Variants in KANK1 observed in about 807,000 individuals in gnomAD.
The protein encoded by KANK1 is KN motif and ankyrin repeat domains 1.
In KANK1, 109 loss-of-function variants were observed where a neutral mutation model predicts 106.2. The observed-to-expected ratio is 1.03, with a 90% CI of 0.88 to 1.20. The LOEUF (loss-of-function observed/expected upper bound fraction) is 1.20. KANK1 is among the 50% of genes most tolerant of loss of function. The pLI is 0.00. For missense variants in KANK1, 2,399 were observed against 1,710.7 expected, an observed-to-expected ratio of 1.40 and a Z score of -7.10; for synonymous variants, 873 against 652.2, an observed-to-expected ratio of 1.34 and a Z score of -5.16.
At chr9:663,021 A>G (rs10975636) in intron 1 of KANK1, among the ~76,000 whole-genome samples, 127,438 of 152,024 alleles carry the variant, frequency 0.84, 53,546 homozygotes, top group East Asian at 0.97. Context: ...GATGTGTTAC[A>G]TGTCCCCCTT....
chr9:698,824 G>A (rs1821943144), intron 2 of KANK1, among the ~76,000 whole-genome samples: 1 of 152,172 alleles, frequency 6.6e-6, no homozygotes, highest in Admixed American at 6.5e-5. Context: ...GGAGAATGCT[G>A]AGGAGAATTT....
At chr9:514,643 T>C (rs2059201352) in intron 1 of KANK1, among the ~76,000 whole-genome samples, 1 of 151,748 alleles carries the variant, frequency 6.6e-6, no homozygotes, top group African/African-American at 2.4e-5. Context: ...GGGTTCATGC[T>C]CATTGCTGTA....
intron 1 of KANK1, among the ~76,000 whole-genome samples, chr9:650,595 C>T (rs1376266047): frequency 2.0e-5 from 3 of 152,142 alleles, no homozygotes; most frequent in African/African-American, 7.2e-5. Context: ...GGCTGTGACT[C>T]TGCATATCCC....
chr9:497,003 T>G (rs2058467491), intron 3 of KANK1, among the ~76,000 whole-genome samples: 1 of 152,202 alleles, frequency 6.6e-6, no homozygotes, highest in African/African-American at 2.4e-5. Context: ...ACTAGAATTA[T>G]GTCCTTCAGC....
At chr9:729,086 CTT>C (rs1256245134) in intron 3 of KANK1, among the ~76,000 whole-genome samples, 5 of 152,190 alleles carry the variant, frequency 3.3e-5, no homozygotes, top group Non-Finnish European at 5.9e-5. Context: ...GAGTTTGACT[CTT>C]TTCATTGACA....
At chr9:680,412 A>C (rs886121216) in intron 2 of KANK1, among the ~76,000 whole-genome samples, 6 of 152,184 alleles carry the variant, frequency 3.9e-5, no homozygotes, top group African/African-American at 1.4e-4. Flanking sequence ...TGGGTAAAAG[A>C]AACTGCTTTT....
chr9:633,184 G>A (rs1252342105), intron 1 of KANK1, among the ~76,000 whole-genome samples: 1 of 152,126 alleles, frequency 6.6e-6, no homozygotes, highest in South Asian at 2.1e-4. Context: ...TTGACCGGGC[G>A]CAGTGGCTCA....
chr9:657,057 G>T (rs2361104), intron 1 of KANK1, among the ~76,000 whole-genome samples: 2 of 151,972 alleles, frequency 1.3e-5, no homozygotes, highest in African/African-American at 4.8e-5. Flanking sequence ...TGTGCCAGCC[G>T]CTGGCACCAA....
chr9:610,610 G>T (rs1479813771), intron 1 of KANK1, among the ~76,000 whole-genome samples: 1 of 152,166 alleles, frequency 6.6e-6, no homozygotes, highest in Non-Finnish European at 1.5e-5. Flanking sequence ...CCTTGACTCT[G>T]ATCAAGACAT....
At chr9:571,116 T>A (rs998132715) in intron 1 of KANK1, among the ~76,000 whole-genome samples, 6 of 152,204 alleles carry the variant, frequency 3.9e-5, no homozygotes, top group African/African-American at 1.4e-4. Context: ...AGTGCCCATC[T>A]CCTTGGGGAC....
At chr9:536,904 A>G (rs566116898) in intron 1 of KANK1, among the ~76,000 whole-genome samples, 1 of 152,260 alleles carries the variant, frequency 6.6e-6, no homozygotes, top group South Asian at 2.1e-4. Context: ...GTGGTTTCTA[A>G]TCAAGCATTT....
intron 2 of KANK1, among the ~76,000 whole-genome samples, 157 bp from the exon 3 acceptor site, chr9:710,647 A>AAAAC: frequency 6.7e-6 from 1 of 148,238 alleles, no homozygotes; most frequent in South Asian, 2.1e-4. Flanking sequence ...AAACAAAAAA[A>AAAAC]ACTTGCTTAC....
intron 1 of KANK1, among the ~76,000 whole-genome samples, chr9:589,091 A>G (rs1824208202): frequency 6.6e-6 from 1 of 152,228 alleles, no homozygotes; most frequent in Admixed American, 6.5e-5. Flanking sequence ...CTGAGAGGTC[A>G]GGGATAGAGT....
upstream of KANK1, among the ~76,000 whole-genome samples, chr9:504,303 G>A (rs2058627090): frequency 6.6e-6 from 1 of 152,058 alleles, no homozygotes; most frequent in Admixed American, 6.5e-5. Context: ...AACCGCGGTG[G>A]AGGAAGTTCT....
At chr9:605,489 G>C (rs1828877066) in intron 1 of KANK1, among the ~76,000 whole-genome samples, 1 of 151,604 alleles carries the variant, frequency 6.6e-6, no homozygotes, top group South Asian at 2.1e-4. Flanking sequence ...AGAGCACGTG[G>C]GAGGAAAAAC....
intron 1 of KANK1, among the ~76,000 whole-genome samples, chr9:505,582 C>G (rs974160142): frequency 6.6e-6 from 1 of 152,232 alleles, no homozygotes; most frequent in Non-Finnish European, 1.5e-5. Context: ...GTGGAACTTT[C>G]AGAGGCAACT....
At chr9:658,446 G>A (rs4742197) in intron 1 of KANK1, among the ~76,000 whole-genome samples, 37,523 of 151,512 alleles carry the variant, frequency 0.25, 4,831 homozygotes, top group East Asian at 0.54. Flanking sequence ...GCTCTTTCTG[G>A]CCCCGAGCCT....
intron 1 of KANK1, among the ~76,000 whole-genome samples, chr9:560,279 A>G (rs746733751): frequency 6.6e-6 from 1 of 152,228 alleles, no homozygotes; most frequent in South Asian, 2.1e-4. Flanking sequence ...TTAAGTTCTT[A>G]GGATTTTTTA....
At chr9:643,304 T>G (rs1838887032) in intron 1 of KANK1, among the ~76,000 whole-genome samples, 1 of 150,962 alleles carries the variant, frequency 6.6e-6, no homozygotes, top group Non-Finnish European at 1.5e-5. Flanking sequence ...TTTTGATTAC[T>G]TTTACTGTAG....
Sources: gnomAD v4.1 joint callset for allele counts (sites outside exome capture counted in the v4.1 genomes callset) on GRCh38, gnomAD v4.1.1 for gene constraint, MANE v1.5 for transcripts, NCBI Gene and HGNC (gene_info 2026-07-23, HGNC 2026-07-21) for gene names.